Variants in RPS4Y1 observed in about 807,000 individuals in gnomAD.
RPS4Y1 encodes the protein ribosomal protein S4 Y-linked 1, also known as small ribosomal subunit protein eS4, Y isoform 1.
For missense variants in RPS4Y1, 30 were observed against 60.9 expected (o/e 0.49, Z 1.69); for synonymous variants, 23 against 20.8 (o/e 1.10, Z -0.28).
At chrY:2,857,427 C>T (rs1435448264) in intron 5 of RPS4Y1, among the ~76,000 whole-genome samples, 2 of 33,608 alleles carry the variant, frequency 6.0e-5, no homozygotes, top group Non-Finnish European at 1.5e-4. Context: ...TTTCTTTCCT[C>T]TTTTTTTGAA....
At chrY:2,866,437 T>C in intron 6 of RPS4Y1, among the ~76,000 whole-genome samples, 1 of 34,155 alleles carries the variant, frequency 2.9e-5, no homozygotes. Flanking sequence ...GTAAAGCTGA[T>C]GATAGGGTGC....
At position 2,842,267 on chromosome Y, in the gene RPS4Y1, GT is replaced by G. The variant is rs765232571; in HGVS notation, c.81+34del. ...TGTGAGTATAACTTTGTTTTTTGTG[GT>G]TTTTTTTTGTTTTTTTTAGTCAAGA... On this transcript the variant is annotated intron_variant, in intron 2 of 6. Coordinates refer to ENST00000250784, the MANE Select transcript of RPS4Y1 (RefSeq NM_001008.4). The G allele has an allele frequency of 1.5e-5, 5 of 337,296 alleles. No homozygotes were observed. The African/African-American group carries it at 2.2e-4, about 15-fold the overall frequency. The allele number at this position is 337,296 out of a possible 400,897, so 84.1% of individuals were successfully genotyped here.
At chrY:2,844,279 T>G in intron 3 of RPS4Y1, 22 bp downstream of exon 3, 1 of 375,648 alleles carries the variant, frequency 2.7e-6, no homozygotes, top group Non-Finnish European at 3.8e-6. Context: ...GTTCTTTGTT[T>G]TGTTTTGAAG....
chrY:2,861,607 CTTTTTTTTTT>C (rs1267656120), intron 5 of RPS4Y1, among the ~76,000 whole-genome samples: 4 of 11,491 alleles, frequency 3.5e-4, no homozygotes, highest in African/African-American at 1.3e-3. Flanking sequence ...CCCTGTATGT[CTTTTTTTTTT>C]TTTTTTTTTT....
At chrY:2,851,859 G>T in intron 4 of RPS4Y1, among the ~76,000 whole-genome samples, 1 of 33,179 alleles carries the variant, frequency 3.0e-5, no homozygotes, top group Non-Finnish European at 7.4e-5. Context: ...TTGCATATTG[G>T]ATCTGTCTTC....
chrY:2,850,052 T>C, intron 4 of RPS4Y1, among the ~76,000 whole-genome samples: 4 of 34,484 alleles, frequency 1.2e-4, no homozygotes, highest in African/African-American at 4.5e-4. Context: ...CACTCACTTA[T>C]AGATAGTTGC....
intron 2 of RPS4Y1, among the ~76,000 whole-genome samples, chrY:2,842,536 A>G: frequency 3.1e-5 from 1 of 32,717 alleles, no homozygotes; most frequent in Admixed American, 2.8e-4. Context: ...TCCACATAAG[A>G]AAGGAGTTCA....
intron 5 of RPS4Y1, among the ~76,000 whole-genome samples, chrY:2,862,712 G>A (rs993592688): frequency 5.9e-5 from 2 of 33,758 alleles, no homozygotes; most frequent in Non-Finnish European, 1.5e-4. Flanking sequence ...TACATGTAAA[G>A]TACTGTTAGT....
intron 4 of RPS4Y1, among the ~76,000 whole-genome samples, chrY:2,850,369 TAGG>T (rs2051155399): frequency 2.9e-5 from 1 of 34,380 alleles, no homozygotes; most frequent in Admixed American, 2.6e-4. Context: ...GTGGAGGATA[TAGG>T]AGAAGAAAAA....
intron 4 of RPS4Y1, 193 bp from the exon 5 acceptor site, chrY:2,854,407 C>A: frequency 7.2e-6 from 1 of 138,637 alleles, no homozygotes; most frequent in African/African-American, 8.6e-5. Flanking sequence ...GCAAGGTTTC[C>A]CAAATGTCTA....
At chrY:2,851,085 C>T in intron 4 of RPS4Y1, among the ~76,000 whole-genome samples, 1 of 30,986 alleles carries the variant, frequency 3.2e-5, no homozygotes. Flanking sequence ...CCTCGTGATC[C>T]GCCCGCCTCG....
chrY:2,843,228 T>C, intron 2 of RPS4Y1, among the ~76,000 whole-genome samples: 1 of 33,599 alleles, frequency 3.0e-5, no homozygotes, highest in South Asian at 6.7e-4. Flanking sequence ...GTTTTCTCTA[T>C]TGTTAAGTGG....
At position 2,856,099 on chromosome Y, in the gene RPS4Y1, T is replaced by C. The variant is rs749153587; in HGVS notation, c.532+1328T>C. On this transcript the variant is annotated intron_variant, in intron 5 of 6. Transcript: ENST00000250784. ...GGAGAGTGGGTAGGTAGGAGCATCT[T>C]ATGCTTGTCTCTCAAACGTTTGCAT... Among the ~76,000 whole-genome samples, 6 of 33,579 alleles carry C rather than the reference T, an allele frequency of 1.8e-4. No homozygotes were observed. The East Asian group carries it at 4.7e-3, about 26-fold the overall frequency. The allele number at this position is 33,579 out of a possible 37,273, so 90.1% of individuals were successfully genotyped here.
chrY:2,857,998 T>TA (rs2051161124), intron 5 of RPS4Y1, among the ~76,000 whole-genome samples: 1 of 34,020 alleles, frequency 2.9e-5, no homozygotes, highest in Non-Finnish European at 7.3e-5. Context: ...TTTACATTCT[T>TA]ACCAACAGTG....
intron 1 of RPS4Y1, chrY:2,841,901 C>A: frequency 2.7e-6 from 1 of 374,913 alleles, no homozygotes; most frequent in South Asian, 3.3e-5. Flanking sequence ...GTTGAAGCAG[C>A]CTCAGATTCG....
At chrY:2,845,767 C>G (rs2051152462) in intron 4 of RPS4Y1, 24 bp downstream of exon 4, 1 of 337,525 alleles carries the variant, frequency 3.0e-6, no homozygotes, top group Non-Finnish European at 4.4e-6. Flanking sequence ...GTCAAGTGAG[C>G]TTTGTAATTT....
Position 2,845,656 on chromosome Y carries a change from C to T in RPS4Y1, c.273C>T (p.Ser91=). 2.5e-6 allele frequency: 1 copy of T among 392,776 alleles called. No homozygotes were observed. Among genetic ancestry groups the T allele is most frequent in the Non-Finnish European group, 3.6e-6 (1 of 278,207 alleles). ...TYPAGFMDVI[S]IEKTGEHFRL... is the part of the protein sequence containing the mutation. ...CCCTTTTGTGATCAGATGTCATCAG[C>T]ATCGAGAAGACAGGTGAACATTTCC... The change falls in exon 4 of 7, where the codon AGC becomes AGT. Residue 91 remains serine, a synonymous_variant. Transcript: ENST00000250784.
At chrY:2,842,079 T>C in intron 1 of RPS4Y1, 86 bp from the exon 2 acceptor site, 1 of 327,994 alleles carries the variant, frequency 3.0e-6, no homozygotes, top group Admixed American at 7.5e-5. Context: ...AGTCAGGTAT[T>C]ACCCGTTAGC....
intron 1 of RPS4Y1, 105 bp downstream of exon 1, chrY:2,841,732 G>T: frequency 3.7e-6 from 1 of 267,076 alleles, no homozygotes; most frequent in Non-Finnish European, 6.0e-6. Context: ...CTACTTGGTG[G>T]GTGGGAATGC....
Sources: allele counts gnomAD v4.1 joint callset (sites outside exome capture counted in the v4.1 genomes callset), GRCh38; gene constraint gnomAD v4.1.1; transcripts MANE v1.5; gene names NCBI Gene and HGNC (gene_info 2026-07-23, HGNC 2026-07-21).